Variants in ZNF438 observed in about 807,000 individuals in gnomAD.
ZNF438 encodes zinc finger protein 438.
A neutral mutation model predicts 38.0 loss-of-function variants in ZNF438; 25 were observed. The ratio of observed to expected loss-of-function variants is 0.66; its 90% CI spans 0.48 to 0.92. ZNF438 has a LOEUF of 0.92. Ranked by LOEUF, ZNF438 falls within the 40% of genes least tolerant of loss-of-function variation. The pLI is 0.00. For synonymous variants in ZNF438, 372 were observed against 364.1 expected (o/e 1.02, Z -0.25); for missense variants, 1,007 against 999.6 (o/e 1.01, Z -0.10).
chr10:30,971,685 C>T (rs1432128164), intron 1 of ZNF438, among the ~76,000 whole-genome samples: 1 of 152,042 alleles, frequency 6.6e-6, no homozygotes, highest in East Asian at 1.9e-4. Context: ...TCTAAAACCT[C>T]ATTTTCTTTA....
chr10:30,926,654 GAA>G (rs766575905), intron 2 of ZNF438, among the ~76,000 whole-genome samples: 7 of 138,986 alleles, frequency 5.0e-5, no homozygotes, highest in South Asian at 2.3e-4. Flanking sequence ...CGACAGGGTG[GAA>G]AAAAAAAAAA....
At chr10:31,014,262 T>C (rs910811138) in intron 1 of ZNF438, among the ~76,000 whole-genome samples, 1 of 152,196 alleles carries the variant, frequency 6.6e-6, no homozygotes, top group African/African-American at 2.4e-5. Flanking sequence ...GAAATTTAAC[T>C]GGGTGGCTTA....
chr10:30,908,284 T>C (rs2042769328), intron 3 of ZNF438, among the ~76,000 whole-genome samples: 1 of 152,246 alleles, frequency 6.6e-6, no homozygotes, highest in South Asian at 2.1e-4. Flanking sequence ...AGGCTAATTT[T>C]ATGTCCTAAT....
At chr10:30,978,764 T>C (rs1395450474) in intron 1 of ZNF438, among the ~76,000 whole-genome samples, 1 of 152,234 alleles carries the variant, frequency 6.6e-6, no homozygotes, top group Non-Finnish European at 1.5e-5. Context: ...TTTTACTCAG[T>C]ATAATGTTTT....
intron 2 of ZNF438, among the ~76,000 whole-genome samples, chr10:30,934,217 G>C (rs890628562): frequency 1.3e-5 from 2 of 151,696 alleles, no homozygotes; most frequent in Non-Finnish European, 2.9e-5. Flanking sequence ...GGGATGTACC[G>C]AGTTGGCAGA....
intron 1 of ZNF438, among the ~76,000 whole-genome samples, 158 bp downstream of exon 1, chr10:31,031,675 C>G (rs2057304691): frequency 1.3e-5 from 2 of 152,078 alleles, no homozygotes; most frequent in Admixed American, 6.5e-5. Context: ...TACCGCCCAG[C>G]AGGGCGCGCT....
chr10:31,008,532 C>A (rs1051073969), intron 1 of ZNF438, among the ~76,000 whole-genome samples: 3 of 152,196 alleles, frequency 2.0e-5, no homozygotes, highest in Admixed American at 1.3e-4. Context: ...TGGAATCATA[C>A]AACATATAGC....
intron 4 of ZNF438, among the ~76,000 whole-genome samples, chr10:30,864,499 C>T (rs554668402): frequency 1.6e-4 from 24 of 152,288 alleles, no homozygotes; most frequent in Non-Finnish European, 2.1e-4. Context: ...CTTACCTTCA[C>T]GATGATATTA....
At chr10:30,876,599 C>A (rs527488640) in intron 4 of ZNF438, among the ~76,000 whole-genome samples, 2 of 152,260 alleles carry the variant, frequency 1.3e-5, no homozygotes, top group African/African-American at 4.8e-5. Context: ...AAGTGTATGT[C>A]TACAGATGTG....
chr10:31,011,509 T>A (rs1047208591), intron 1 of ZNF438, among the ~76,000 whole-genome samples: 1 of 151,962 alleles, frequency 6.6e-6, no homozygotes, highest in Non-Finnish European at 1.5e-5. Context: ...GAGGACAAAA[T>A]GGGAGAATGA....
At chr10:30,897,285 T>C (rs995716092) in intron 3 of ZNF438, among the ~76,000 whole-genome samples, 20 of 152,218 alleles carry the variant, frequency 1.3e-4, no homozygotes, top group African/African-American at 4.8e-4. Context: ...CTTCAGGCCA[T>C]AGGATATCAA....
intron 2 of ZNF438, among the ~76,000 whole-genome samples, chr10:30,923,546 A>G (rs1245730017): frequency 6.6e-6 from 1 of 152,224 alleles, no homozygotes; most frequent in Admixed American, 6.5e-5. Flanking sequence ...CTATTGCCTC[A>G]GCACCATATA....
intron 3 of ZNF438, among the ~76,000 whole-genome samples, chr10:30,889,345 C>T (rs936096276): frequency 2.6e-5 from 4 of 152,130 alleles, no homozygotes; most frequent in African/African-American, 9.7e-5. Context: ...TTGGCAATCA[C>T]CTTCCTTCCC....
intron 2 of ZNF438, among the ~76,000 whole-genome samples, chr10:30,925,764 C>G (rs917243137): frequency 2.8e-4 from 43 of 152,186 alleles, no homozygotes; most frequent in African/African-American, 1.0e-3. Context: ...TCCCCAGCTG[C>G]TAGAGGACTC....
intron 1 of ZNF438, among the ~76,000 whole-genome samples, chr10:30,944,862 T>C (rs1414154007): frequency 3.3e-5 from 5 of 152,224 alleles, no homozygotes; most frequent in Admixed American, 1.3e-4. Flanking sequence ...GTTCATCATA[T>C]TTTCTTATCC....
intron 1 of ZNF438, among the ~76,000 whole-genome samples, chr10:30,982,200 C>G (rs2052278726): frequency 6.6e-6 from 1 of 151,418 alleles, no homozygotes; most frequent in African/African-American, 2.4e-5. Context: ...CTCCCGGGTT[C>G]ACACCATTCT....
intron 1 of ZNF438, among the ~76,000 whole-genome samples, chr10:31,016,604 TG>T (rs577654959): frequency 1.8e-3 from 271 of 152,338 alleles, no homozygotes; most frequent in African/African-American, 6.3e-3. Flanking sequence ...TACCACTCCT[TG>T]GGGCACTGCC....
exon 5 of ZNF438, chr10:30,850,057 G>A: frequency 1.2e-6 from 2 of 1,614,148 alleles, no homozygotes; most frequent in South Asian, 1.1e-5. Flanking sequence ...GAAGTTTCAG[G>A]TTTTCAGGTA....
chr10:31,028,894 G>C (rs548495132), intron 1 of ZNF438, among the ~76,000 whole-genome samples: 2 of 152,294 alleles, frequency 1.3e-5, no homozygotes, highest in Non-Finnish European at 2.9e-5. Flanking sequence ...ACCCAGTCAG[G>C]TCGTAATCAA....
Sources: gnomAD v4.1 joint callset for allele counts (sites outside exome capture counted in the v4.1 genomes callset) on GRCh38, gnomAD v4.1.1 for gene constraint, MANE v1.5 for transcripts, NCBI Gene and HGNC (gene_info 2026-07-23, HGNC 2026-07-21) for gene names.